STK3: variants seen among roughly 807,000 people sequenced by gnomAD.
STK3 encodes serine/threonine-protein kinase 3.
In STK3, 41 loss-of-function variants were observed where a neutral mutation model predicts 58.0. The observed-to-expected ratio is 0.71, with a 90% CI of 0.55 to 0.92. The LOEUF is 0.92. Ranked by LOEUF, STK3 falls within the 40% of genes least tolerant of loss-of-function variation. STK3 has a pLI of 0.00. For synonymous variants in STK3, 170 were observed against 191.0 expected, an observed-to-expected ratio of 0.89 and a Z score of 0.91; for missense variants, 479 against 602.7, an observed-to-expected ratio of 0.79 and a Z score of 2.15.
chr8:98,674,815 G>A (rs994397807), intron 6 of STK3, among the ~76,000 whole-genome samples: 1 of 152,084 alleles, frequency 6.6e-6, no homozygotes, highest in African/African-American at 2.4e-5. Flanking sequence ...ATTAGAAGAA[G>A]GCTGTTTTTT....
At chr8:98,833,837 T>A (rs538309824) in intron 3 of STK3, among the ~76,000 whole-genome samples, 12 of 152,272 alleles carry the variant, frequency 7.9e-5, no homozygotes, top group African/African-American at 2.9e-4. Context: ...TATAGCCCCA[T>A]CTCTGACAAA....
At chr8:98,564,718 T>C (rs769974251) in intron 8 of STK3, among the ~76,000 whole-genome samples, 6 of 152,152 alleles carry the variant, frequency 3.9e-5, no homozygotes, top group Non-Finnish European at 7.4e-5. Flanking sequence ...TATCAAAATA[T>C]CACACTTTAC....
chr8:98,491,183 G>GAGAGAC (rs1430682373), intron 10 of STK3, among the ~76,000 whole-genome samples: 2 of 151,654 alleles, frequency 1.3e-5, no homozygotes, highest in Non-Finnish European at 2.9e-5. Context: ...GAGAGAGAGA[G>GAGAGAC]AGAGAGAGAG....
chr8:98,865,824 C>T (rs72668418), intron 3 of STK3, among the ~76,000 whole-genome samples: 9 of 152,366 alleles, frequency 5.9e-5, no homozygotes, highest in Admixed American at 6.5e-5. Flanking sequence ...ATCAAAGCCC[C>T]GTTAGTGCCC....
At chr8:98,507,189 C>G (rs889318438) in intron 10 of STK3, among the ~76,000 whole-genome samples, 1 of 152,154 alleles carries the variant, frequency 6.6e-6, no homozygotes, top group African/African-American at 2.4e-5. Flanking sequence ...CTGATTACCA[C>G]AAATTCCAGC....
intron 6 of STK3, among the ~76,000 whole-genome samples, chr8:98,609,388 T>A (rs10955188): frequency 0.25 from 38,726 of 152,108 alleles, 5,555 homozygotes; most frequent in East Asian, 0.46. Context: ...GCCATGAAAT[T>A]TTTATCTCAG....
rs1363265828 is a variant in STK3, at chr8:98,894,039, T to C, written c.-78-10205A>G. ...TGTTCACTGGTTTATTAGTTTGTTA[T>C]ACTACTGACCTCAGTCAATCACCCG... On this transcript the variant is annotated intron_variant, in intron 1 of 1. Coordinates refer to the STK3 transcript ENST00000519420. Among the ~76,000 whole-genome samples the C allele has an allele frequency of 2.0e-5, 3 of 152,344 alleles. No homozygotes were observed. The East Asian group carries it at 5.8e-4, about 29-fold the overall frequency.
chr8:98,915,737 G>T (rs1203256925), intron 1 of STK3, among the ~76,000 whole-genome samples: 1 of 151,818 alleles, frequency 6.6e-6, no homozygotes, highest in Non-Finnish European at 1.5e-5. Context: ...TCATCATTCT[G>T]TCACACAGGG....
intron 3 of STK3, among the ~76,000 whole-genome samples, chr8:98,843,978 A>C (rs988554610): frequency 3.9e-5 from 6 of 152,096 alleles, no homozygotes; most frequent in African/African-American, 1.4e-4. Flanking sequence ...TAGCCAACAA[A>C]ATGGGACTGC....
At chr8:98,461,104 T>C (rs1361592193) in intron 10 of STK3, among the ~76,000 whole-genome samples, 1 of 152,186 alleles carries the variant, frequency 6.6e-6, no homozygotes. Context: ...CCCCCACTAT[T>C]ACTGGGTTGC....
chr8:98,645,548 G>A (rs1820337990), intron 6 of STK3, among the ~76,000 whole-genome samples: 1 of 152,122 alleles, frequency 6.6e-6, no homozygotes, highest in African/African-American at 2.4e-5. Flanking sequence ...AAAAGTGAAT[G>A]AATCTATGAG....
chr8:98,850,693 T>C (rs562766589), intron 3 of STK3, among the ~76,000 whole-genome samples: 14 of 152,276 alleles, frequency 9.2e-5, no homozygotes, highest in Admixed American at 6.5e-4. Context: ...GTGATTTCAG[T>C]GTGACTGCGA....
intron 3 of STK3, among the ~76,000 whole-genome samples, chr8:98,763,938 G>C (rs1319762208): frequency 2.6e-5 from 4 of 152,162 alleles, no homozygotes; most frequent in African/African-American, 9.7e-5. Flanking sequence ...GCCTCCCAAA[G>C]TGCTGAGATT....
chr8:98,811,254 T>C (rs1318973879), intron 1 of STK3, among the ~76,000 whole-genome samples: 1 of 152,222 alleles, frequency 6.6e-6, no homozygotes, highest in African/African-American at 2.4e-5. Context: ...AAGTGCCTTC[T>C]ACCTGATTTC....
At chr8:98,408,759 T>C (rs2131037268) in intron 3 of STK3, among the ~76,000 whole-genome samples, 1 of 152,362 alleles carries the variant, frequency 6.6e-6, no homozygotes, top group South Asian at 2.1e-4. Flanking sequence ...TGGGTTCCCG[T>C]TCTGCTTAGA....
At chr8:98,654,598 C>G (rs966576748) in intron 6 of STK3, among the ~76,000 whole-genome samples, 4 of 152,054 alleles carry the variant, frequency 2.6e-5, no homozygotes, top group African/African-American at 9.7e-5. Flanking sequence ...TTGTGTTAGC[C>G]CAAAATCTCC....
chr8:98,612,453 A>G (rs1230687318), intron 6 of STK3, among the ~76,000 whole-genome samples: 3 of 149,480 alleles, frequency 2.0e-5, no homozygotes, highest in African/African-American at 4.9e-5. Context: ...CTATATATAT[A>G]TCAACCCATA....
chr8:98,793,353 A>C (rs1224494832), intron 1 of STK3, among the ~76,000 whole-genome samples: 1 of 152,164 alleles, frequency 6.6e-6, no homozygotes, highest in South Asian at 2.1e-4. Context: ...TAATAAAAAA[A>C]TGGAGAAACC....
chr8:98,576,843 T>G lies in STK3; in HGVS notation c.948+2821A>C, dbSNP rs559681720. Among the ~76,000 whole-genome samples the G allele has an allele frequency of 9.1e-4, 139 of 152,250 alleles. No homozygotes were observed. The Middle Eastern group carries it at 0.01, about 11-fold the overall frequency. ...CTCATGGGGGGCTGAAACAAAGGTA[T>G]CTGCACCAGTCCCTCAGGGAACCAC... On this transcript the variant is annotated intron_variant, in intron 8 of 10. Transcript: ENST00000419617.
Sources: gnomAD v4.1 joint callset for allele counts (sites outside exome capture counted in the v4.1 genomes callset) on GRCh38, gnomAD v4.1.1 for gene constraint, MANE v1.5 for transcripts, NCBI Gene and HGNC (gene_info 2026-07-23, HGNC 2026-07-21) for gene names.